ZBTB20: variants seen among roughly 807,000 people sequenced by gnomAD.
ZBTB20 encodes zinc finger and BTB domain-containing protein 20.
Under a neutral mutation model 56.9 loss-of-function variants are expected in ZBTB20, and 9 were observed. The observed-to-expected ratio is 0.16, with a 90% confidence interval of 0.10 to 0.28. ZBTB20 has a LOEUF of 0.28. Ranked by LOEUF, ZBTB20 falls within the 10% of genes least tolerant of loss-of-function variation. ZBTB20 has a pLI of 1.00. For missense variants in ZBTB20, 655 were observed against 1,003.0 expected (o/e 0.65, Z 4.69); for synonymous variants, 417 against 420.7 (o/e 0.99, Z 0.11).
At chr3:114,623,836 G>A (rs2058486195) in intron 6 of ZBTB20, among the ~76,000 whole-genome samples, 1 of 150,826 alleles carries the variant, frequency 6.6e-6, no homozygotes, top group Admixed American at 6.6e-5. Context: ...CAACAAGCAT[G>A]TTTGCTAGGC....
At chr3:114,875,799 C>T (rs2107561143) in intron 4 of ZBTB20, among the ~76,000 whole-genome samples, 1 of 152,294 alleles carries the variant, frequency 6.6e-6, no homozygotes, top group South Asian at 2.1e-4. Flanking sequence ...ACCTCAATAA[C>T]TGTAATTAAA....
rs1279386701 is a variant in ZBTB20, at chr3:114,621,361, G to T, written c.-295+72167C>A. 3.9e-5 allele frequency among the ~76,000 whole-genome samples: 6 copies of T among 152,220 alleles called. No individual in the cohort carries two copies. The East Asian group carries it at 1.2e-3, about 29-fold the overall frequency. Reference sequence around the variant, plus strand: ...CCAAAACATTTGACTGAAATCAAAGGCAAGTAAGCCTGGCTAGAATTTGGT... The same window carrying T: ...CCAAAACATTTGACTGAAATCAAAGTCAAGTAAGCCTGGCTAGAATTTGGT... On this transcript the variant is annotated intron_variant, in intron 6 of 11. Coordinates refer to ENST00000675478, the MANE Select transcript of ZBTB20 (RefSeq NM_001348800.3).
intron 6 of ZBTB20, among the ~76,000 whole-genome samples, chr3:114,598,852 T>C (rs1461916224): frequency 1.3e-5 from 2 of 152,078 alleles, no homozygotes; most frequent in African/African-American, 4.8e-5. Context: ...CAAACAGCCT[T>C]GTAATTCTCT....
At chr3:115,131,324 T>C (rs1047587070) in intron 1 of ZBTB20, among the ~76,000 whole-genome samples, 2 of 152,198 alleles carry the variant, frequency 1.3e-5, no homozygotes, top group East Asian at 3.8e-4. Context: ...AATATACATA[T>C]TCAAGGATCT....
chr3:114,339,077 G>T lies in ZBTB20; in HGVS notation c.2154C>A (p.Ser718=). 1 of 1,566,768 alleles carries T rather than the reference G, an allele frequency of 6.4e-7. No homozygotes were observed. Among genetic ancestry groups the T allele is most frequent in the Non-Finnish European group, 8.7e-7 (1 of 1,154,580 alleles). Residue 718 remains serine (S), a synonymous_variant, in exon 12 of 12, where the codon TCC becomes TCA. Transcript: ENST00000675478. The surrounding 1 kb of genome is among the most constrained non-coding windows in gnomAD (Gnocchi z 4.2). The part of the protein sequence containing the change: ...ACTEGTTYVC[S]VCPAKFDQIE... ...TTTGGTCAAACTTTGCTGGGCAGAC[G>T]GAGCAGACGTAAGTGGTCCCCTCCG...
chr3:115,145,315 A>G (rs1174521997), intron 1 of ZBTB20, among the ~76,000 whole-genome samples: 1 of 152,254 alleles, frequency 6.6e-6, no homozygotes, highest in Non-Finnish European at 1.5e-5. Flanking sequence ...AAAAGTAGCC[A>G]CATCTTGACT....
intron 1 of ZBTB20, among the ~76,000 whole-genome samples, chr3:115,116,668 T>C (rs1042316121): frequency 2.6e-5 from 4 of 151,844 alleles, no homozygotes; most frequent in African/African-American, 4.8e-5. Flanking sequence ...ACAATGAGCA[T>C]TTGATAAATA....
chr3:114,626,092 G>C (rs957499571), intron 6 of ZBTB20, among the ~76,000 whole-genome samples: 1 of 152,102 alleles, frequency 6.6e-6, no homozygotes, highest in Non-Finnish European at 1.5e-5. Context: ...AACAGACTTC[G>C]GGAACACGAG....
At chr3:114,656,151 C>T (rs188624781) in intron 6 of ZBTB20, among the ~76,000 whole-genome samples, 82 of 152,224 alleles carry the variant, frequency 5.4e-4, no homozygotes, top group Admixed American at 7.2e-4. Context: ...AGGAATGAGT[C>T]GATGTTTGAT....
At chr3:114,746,023 T>C (rs1164091347) in intron 5 of ZBTB20, among the ~76,000 whole-genome samples, 1 of 152,170 alleles carries the variant, frequency 6.6e-6, no homozygotes, top group African/African-American at 2.4e-5. Flanking sequence ...TAAAAGCATC[T>C]CCCTGCCCCT....
Position 114,473,957 on chromosome 3 carries a change from T to G in ZBTB20, c.-255+26395A>C, listed in dbSNP as rs568463830. Among the ~76,000 whole-genome samples the G allele has an allele frequency of 2.6e-5, 4 of 152,332 alleles. No homozygotes were observed. In the South Asian group the frequency reaches 8.3e-4, roughly 32 times the overall value. ...AAAAAGAGGTTTAATGGACTCACAG[T>G]TCCATGTGGCTGGAGAGGCCTCACA... is the stretch of plus-strand genomic sequence containing the variant. On this transcript the variant is annotated intron_variant, in intron 7 of 11. Coordinates refer to ENST00000675478, the MANE Select transcript of ZBTB20 (RefSeq NM_001348800.3).
intron 1 of ZBTB20, among the ~76,000 whole-genome samples, chr3:115,145,404 G>A (rs571613586): frequency 1.3e-5 from 2 of 152,276 alleles, no homozygotes; most frequent in East Asian, 3.9e-4. Flanking sequence ...ATCCACAGAT[G>A]CTCAAGTCCC....
rs1006355672 is a variant in ZBTB20 at position 114,534,325 on chromosome 3, C to T, written c.-294-33934G>A. On this transcript the variant is annotated intron_variant, in intron 6 of 11. Transcript: ENST00000675478. ...AGCAAATGGAAAGCAAAAAAAAATG[C>T]AGGGGTTGCAATCCTAGTCTCTGAT... Among the ~76,000 whole-genome samples, 8 of 152,004 alleles carry T rather than the reference C, an allele frequency of 5.3e-5. 1 individual carries two copies. The highest frequency in any genetic ancestry group is 1.3e-4 in the Admixed American group (2 of 15,258).
At chr3:115,144,358 A>T (rs963824184) in intron 1 of ZBTB20, among the ~76,000 whole-genome samples, 1 of 152,226 alleles carries the variant, frequency 6.6e-6, no homozygotes, top group African/African-American at 2.4e-5. Flanking sequence ...TAGAAAGTCC[A>T]ATTTGTCTAA....
chr3:115,004,239 C>T (rs2079374444), intron 2 of ZBTB20, among the ~76,000 whole-genome samples: 1 of 151,582 alleles, frequency 6.6e-6, no homozygotes, highest in Admixed American at 6.6e-5. Context: ...AGGTTTCCTG[C>T]CTTGAAAACA....
chr3:115,077,147 AATATCC>A (rs1278562243), intron 1 of ZBTB20, among the ~76,000 whole-genome samples: 1 of 152,140 alleles, frequency 6.6e-6, no homozygotes, highest in Non-Finnish European at 1.5e-5. Context: ...ATAAGGGGTT[AATATCC>A]AAAATACATG....
intron 10 of ZBTB20, among the ~76,000 whole-genome samples, chr3:114,354,583 G>GTTTTTTTTTTTTTTTTTTTTTTTTT: frequency 2.2e-5 from 1 of 45,434 alleles, no homozygotes; most frequent in Non-Finnish European, 5.3e-5. Flanking sequence ...GTTTTGTTTT[G>GTTTTTTTTTTTTTTTTTTTTTTTTT]TTTGTTTTTT....
chr3:114,969,824 C>A (rs2077800404), intron 3 of ZBTB20, among the ~76,000 whole-genome samples: 1 of 152,178 alleles, frequency 6.6e-6, no homozygotes, highest in Non-Finnish European at 1.5e-5. Context: ...ATGGTAACTG[C>A]TGAACTATGA....
intron 7 of ZBTB20, among the ~76,000 whole-genome samples, chr3:114,494,354 C>T (rs2043055024): frequency 6.6e-6 from 1 of 152,090 alleles, no homozygotes; most frequent in Non-Finnish European, 1.5e-5. Flanking sequence ...TGGTTCTTAC[C>T]CCAGGTATAT....
Sources: gnomAD v4.1 joint callset for allele counts (sites outside exome capture counted in the v4.1 genomes callset) on GRCh38, gnomAD v4.1.1 for gene constraint, Gnocchi (gnomAD v3.1) non-coding constraint, MANE v1.5 for transcripts, NCBI Gene and HGNC (gene_info 2026-07-23, HGNC 2026-07-21) for gene names.